The following CDH11 variants were observed in gnomAD, a reference collection of about 807,000 sequenced individuals.
The protein encoded by CDH11 is cadherin-11.
Under a neutral mutation model 67.8 loss-of-function variants are expected in CDH11, and 11 were observed. The observed-to-expected ratio is 0.16, with a 90% CI of 0.10 to 0.27. CDH11 has a LOEUF of 0.27. Ranked by LOEUF, CDH11 falls within the 10% of genes least tolerant of loss-of-function variation. The pLI, the probability that CDH11 is intolerant of heterozygous loss-of-function variation, is 1.00. For missense variants in CDH11, 847 were observed against 1,031.2 expected, an observed-to-expected ratio of 0.82 and a Z score of 2.45; for synonymous variants, 419 against 400.0, an observed-to-expected ratio of 1.05 and a Z score of -0.57.
chr16:65,083,534 C>G (rs2074646798), intron 1 of CDH11, among the ~76,000 whole-genome samples: 1 of 152,240 alleles, frequency 6.6e-6, no homozygotes, highest in South Asian at 2.1e-4. Flanking sequence ...AGGTAAAAGA[C>G]AGCCTGGAAA....
intron 2 of CDH11, among the ~76,000 whole-genome samples, chr16:65,020,400 G>A (rs2073398716): frequency 6.6e-6 from 1 of 152,288 alleles, no homozygotes; most frequent in South Asian, 2.1e-4. Flanking sequence ...CATGATCTCA[G>A]CTCACTGCAA....
chr16:65,004,746 CCTT>C lies in CDH11; in HGVS notation c.121_123del (p.Lys41del). ...CGCTGTAGCACCTGCCCCTCCTTGCCCTTCTCATGGTGCCCATGGAAGGAGGGC... is the reference window on the plus strand; with the variant it reads ...CGCTGTAGCACCTGCCCCTCCTTGCCCTCATGGTGCCCATGGAAGGAGGGC... On this transcript the variant is annotated inframe_deletion, in exon 3 of 13. Coordinates refer to ENST00000268603, the MANE Select transcript of CDH11 (RefSeq NM_001797.4). 6.2e-7 allele frequency: 1 copy of C among 1,613,816 alleles called. No homozygotes were observed. Among genetic ancestry groups the C allele is most frequent in the African/African-American group, 1.3e-5 (1 of 75,048 alleles).
chr16:64,996,491 G>GA (rs34268273), intron 4 of CDH11, among the ~76,000 whole-genome samples: 58,847 of 135,018 alleles, frequency 0.44, 13,829 homozygotes, highest in East Asian at 0.78. Context: ...CTCTGTCTCA[G>GA]AAAAAAAAAA....
chr16:65,020,483 CCA>C (rs1206976313), intron 2 of CDH11, among the ~76,000 whole-genome samples: 1 of 152,122 alleles, frequency 6.6e-6, no homozygotes. Flanking sequence ...GAGCACACAA[CCA>C]CACCCAGCTA....
At chr16:64,950,426 C>G (rs1421372753) in intron 12 of CDH11, among the ~76,000 whole-genome samples, 1 of 152,088 alleles carries the variant, frequency 6.6e-6, no homozygotes, top group Non-Finnish European at 1.5e-5. Flanking sequence ...TGCCCAAATT[C>G]CTCTTATGCC....
rs141730833 is a variant in CDH11, at chr16:65,036,798, C to T, written c.-173+17006G>A. 2.2e-3 allele frequency among the ~76,000 whole-genome samples: 335 copies of T among 152,284 alleles called. 3 individuals are homozygous for T. Among genetic ancestry groups the T allele is most frequent in the African/African-American group, 7.4e-3 (308 of 41,560 alleles). On this transcript the variant is annotated intron_variant, in intron 2 of 12. Transcript: ENST00000268603. ...AGTCCAGCTCCCAATGGAAGATACACTTTGAAGGCAAGAAATCATTTGGAT... is the reference window on the plus strand; with the variant it reads ...AGTCCAGCTCCCAATGGAAGATACATTTTGAAGGCAAGAAATCATTTGGAT...
intron 1 of CDH11, among the ~76,000 whole-genome samples, chr16:65,065,316 C>T (rs1418563759): frequency 2.0e-5 from 3 of 152,100 alleles, no homozygotes; most frequent in Non-Finnish European, 4.4e-5. Context: ...AATTTCAGGC[C>T]GCCTACAAAG....
Position 65,043,772 on chromosome 16 carries a change from G to A in CDH11, c.-173+10032C>T, listed in dbSNP as rs72790896. Among the ~76,000 whole-genome samples, 1,416 of 152,200 alleles carry A rather than the reference G, an allele frequency of 9.3e-3. 12 individuals are homozygous for A. Among genetic ancestry groups the A allele is most frequent in the Non-Finnish European group, 0.015 (1,029 of 67,998 alleles). ...CCAAAAAAGTTAAAAGGAATGAAGC[G>A]ATCTCTGCCTTAATTTAGGTTTCTT... On this transcript the variant is annotated intron_variant, in intron 2 of 12. Coordinates refer to ENST00000268603, the MANE Select transcript of CDH11 (RefSeq NM_001797.4).
chr16:65,051,154 T>C (rs1465285496), intron 2 of CDH11, among the ~76,000 whole-genome samples: 2 of 152,164 alleles, frequency 1.3e-5, no homozygotes, highest in African/African-American at 4.8e-5. Flanking sequence ...GCGATTTTGC[T>C]TCTAGGATAA....
At chr16:65,027,222 A>T (rs2073551964) in intron 2 of CDH11, among the ~76,000 whole-genome samples, 1 of 152,190 alleles carries the variant, frequency 6.6e-6, no homozygotes, top group Non-Finnish European at 1.5e-5. Flanking sequence ...TAAAAAAGTG[A>T]CACTAACCTT....
At chr16:65,069,748 GAAGAAAGGTAAGC>G (rs2074383534) in intron 1 of CDH11, among the ~76,000 whole-genome samples, 1 of 152,260 alleles carries the variant, frequency 6.6e-6, no homozygotes, top group South Asian at 2.1e-4. Context: ...CAGAACCCAG[GAAGAAAGGTAAGC>G]AACTACCAAT....
At chr16:64,999,922 T>C (rs937098093) in intron 3 of CDH11, among the ~76,000 whole-genome samples, 1 of 152,190 alleles carries the variant, frequency 6.6e-6, no homozygotes, top group African/African-American at 2.4e-5. Flanking sequence ...TACAAACAAT[T>C]CAACTTATCA....
intron 8 of CDH11, among the ~76,000 whole-genome samples, chr16:64,977,731 G>A (rs187979674): frequency 2.6e-5 from 4 of 152,228 alleles, no homozygotes; most frequent in Admixed American, 2.0e-4. Context: ...GACTGTCCAC[G>A]TGACTTTAAA....
chr16:65,069,031 G>C (rs2074368858), intron 1 of CDH11, among the ~76,000 whole-genome samples: 1 of 152,174 alleles, frequency 6.6e-6, no homozygotes, highest in Admixed American at 6.5e-5. Flanking sequence ...TTGAAGTAAA[G>C]GACCTTGTCG....
chr16:64,961,977 A>G (rs949627004), intron 11 of CDH11, among the ~76,000 whole-genome samples: 5 of 152,174 alleles, frequency 3.3e-5, no homozygotes, highest in Non-Finnish European at 5.9e-5. Flanking sequence ...TCAAGAACTA[A>G]TTTCCCTATT....
At chr16:64,980,878 G>C (rs1245159351) in intron 8 of CDH11, among the ~76,000 whole-genome samples, 1 of 152,184 alleles carries the variant, frequency 6.6e-6, no homozygotes, top group East Asian at 1.9e-4. Context: ...AAGGAAATGA[G>C]AGGAGTGGCT....
intron 6 of CDH11, among the ~76,000 whole-genome samples, chr16:64,991,173 C>G (rs752495641): frequency 1.3e-5 from 2 of 152,044 alleles, no homozygotes; most frequent in East Asian, 1.9e-4. Flanking sequence ...AACCAGCCCA[C>G]GCAGAAAGGA....
chr16:65,044,833 G>A (rs1597128430), intron 2 of CDH11, among the ~76,000 whole-genome samples: 1 of 152,122 alleles, frequency 6.6e-6, no homozygotes, highest in Non-Finnish European at 1.5e-5. Context: ...GGGACTGCAA[G>A]CTTCTGAAGC....
chr16:65,076,488 A>G (rs1019933876), intron 1 of CDH11, among the ~76,000 whole-genome samples: 6 of 152,208 alleles, frequency 3.9e-5, no homozygotes, highest in African/African-American at 1.4e-4. Flanking sequence ...AAAGGTGGAA[A>G]CAAGTGTGGG....
Sources: gnomAD v4.1 joint callset for allele counts (sites outside exome capture counted in the v4.1 genomes callset) on GRCh38, gnomAD v4.1.1 for gene constraint, MANE v1.5 for transcripts, NCBI Gene and HGNC (gene_info 2026-07-23, HGNC 2026-07-21) for gene names.